The following PDGFC variants were observed in gnomAD, a reference collection of about 807,000 sequenced individuals.
PDGFC encodes platelet derived growth factor C.
In PDGFC, 12 loss-of-function variants were observed where a neutral mutation model predicts 35.5. The observed-to-expected ratio is 0.34, with a 90% confidence interval of 0.22 to 0.55. The LOEUF is 0.55. PDGFC is among the 20% of genes least tolerant of loss of function. The probability of loss-of-function intolerance (pLI) is 0.91; values close to 1 mark genes in which losing one functional copy is unlikely to be tolerated. For missense variants in PDGFC, 322 were observed against 412.4 expected (o/e 0.78, Z 1.90); for synonymous variants, 159 against 148.8 (o/e 1.07, Z -0.50).
intron 1 of PDGFC, among the ~76,000 whole-genome samples, chr4:156,915,591 G>A (rs1731139680): frequency 6.6e-6 from 1 of 152,124 alleles, no homozygotes; most frequent in Admixed American, 6.5e-5. Context: ...TCAGTAGCTT[G>A]AGACCAGCCT....
chr4:156,848,126 C>T (rs1729369455), intron 2 of PDGFC, among the ~76,000 whole-genome samples: 1 of 150,452 alleles, frequency 6.6e-6, no homozygotes, highest in Non-Finnish European at 1.5e-5. Context: ...CATAAGCAGG[C>T]ATGATAAAAA....
At chr4:156,928,219 T>C (rs1216458963) in intron 1 of PDGFC, among the ~76,000 whole-genome samples, 2 of 152,042 alleles carry the variant, frequency 1.3e-5, no homozygotes, top group East Asian at 1.9e-4. Flanking sequence ...AGCTAAACCA[T>C]GTCAGTAGGT....
At chr4:156,812,767 A>G (rs1731973759) in intron 2 of PDGFC, among the ~76,000 whole-genome samples, 1 of 152,118 alleles carries the variant, frequency 6.6e-6, no homozygotes, top group South Asian at 2.1e-4. Context: ...AGACATTTGA[A>G]GAAAGGAAAA....
intron 1 of PDGFC, among the ~76,000 whole-genome samples, chr4:156,925,208 T>G (rs1233065345): frequency 1.3e-5 from 2 of 152,142 alleles, no homozygotes; most frequent in South Asian, 2.1e-4. Context: ...TATAATCTTG[T>G]CAGTAAAGCA....
At chr4:156,933,425 T>C (rs1731599894) in intron 1 of PDGFC, among the ~76,000 whole-genome samples, 1 of 152,240 alleles carries the variant, frequency 6.6e-6, no homozygotes. Flanking sequence ...AAGATGATGC[T>C]GTTCACAGCT....
chr4:156,779,664 G>A (rs1237160339), intron 3 of PDGFC, among the ~76,000 whole-genome samples: 1 of 152,144 alleles, frequency 6.6e-6, no homozygotes, highest in Non-Finnish European at 1.5e-5. Context: ...TTTGCCCAAA[G>A]TGTTGTCTTA....
At chr4:156,970,347 T>G (rs1460524978) in intron 1 of PDGFC, among the ~76,000 whole-genome samples, 1 of 152,180 alleles carries the variant, frequency 6.6e-6, no homozygotes, top group Non-Finnish European at 1.5e-5. Context: ...ATTGATGACT[T>G]CGACCTAGAG....
At chr4:156,901,347 C>T (rs1730777903) in intron 1 of PDGFC, among the ~76,000 whole-genome samples, 1 of 152,068 alleles carries the variant, frequency 6.6e-6, no homozygotes, top group South Asian at 2.1e-4. Flanking sequence ...TGGCTTTTAA[C>T]GAAGCTCCCT....
chr4:156,933,925 T>C (rs946941588), intron 1 of PDGFC, among the ~76,000 whole-genome samples: 1 of 152,226 alleles, frequency 6.6e-6, no homozygotes, highest in African/African-American at 2.4e-5. Context: ...CATGTGGAAC[T>C]GTGAGTCAAT....
chr4:156,887,084 G>T (rs537438272), intron 1 of PDGFC, among the ~76,000 whole-genome samples: 1 of 151,890 alleles, frequency 6.6e-6, no homozygotes, highest in African/African-American at 2.4e-5. Context: ...TATTAACAAA[G>T]TTATTTCTAA....
chr4:156,889,697 C>A (rs1730457836), intron 1 of PDGFC, among the ~76,000 whole-genome samples: 1 of 152,194 alleles, frequency 6.6e-6, no homozygotes, highest in African/African-American at 2.4e-5. Flanking sequence ...ACAGCAAACT[C>A]CAAAACTAAA....
chr4:156,866,330 CCA>C (rs916067125), intron 1 of PDGFC, among the ~76,000 whole-genome samples: 43 of 152,052 alleles, frequency 2.8e-4, no homozygotes, highest in African/African-American at 1.0e-3. Context: ...TGTGTATGTG[CCA>C]CATTTTTTTT....
At chr4:156,833,741 A>G (rs1474745404) in intron 2 of PDGFC, among the ~76,000 whole-genome samples, 1 of 152,198 alleles carries the variant, frequency 6.6e-6, no homozygotes. Flanking sequence ...TATCTCTACA[A>G]TTTACTTGCT....
chr4:156,940,037 CAAT>C (rs1200302090), intron 1 of PDGFC, among the ~76,000 whole-genome samples: 5 of 152,018 alleles, frequency 3.3e-5, no homozygotes, highest in African/African-American at 1.2e-4. Context: ...AAGCAATCAA[CAAT>C]AATTCAAGTA....
chr4:156,900,167 A>T (rs1485218952), intron 1 of PDGFC, among the ~76,000 whole-genome samples: 1 of 152,146 alleles, frequency 6.6e-6, no homozygotes, highest in Admixed American at 6.5e-5. Flanking sequence ...GATCAACTAA[A>T]TATCTAATTT....
At chr4:156,862,530 T>C (rs1729737298) in intron 1 of PDGFC, among the ~76,000 whole-genome samples, 1 of 152,168 alleles carries the variant, frequency 6.6e-6, no homozygotes, top group South Asian at 2.1e-4. Flanking sequence ...AGTCAAAGTT[T>C]TAATATTGCT....
intron 1 of PDGFC, among the ~76,000 whole-genome samples, chr4:156,968,345 A>G (rs1362610421): frequency 6.6e-6 from 1 of 152,152 alleles, no homozygotes; most frequent in African/African-American, 2.4e-5. Context: ...GCAATGCACA[A>G]ACTGGGCCAA....
At chr4:156,800,454 TATC>T (rs1253006596) in intron 3 of PDGFC, among the ~76,000 whole-genome samples, 1 of 152,206 alleles carries the variant, frequency 6.6e-6, no homozygotes, top group Non-Finnish European at 1.5e-5. Context: ...AATACAATTA[TATC>T]ATCTGAATTA....
rs531964943 is a variant in PDGFC, at chr4:156,855,672, A to G, written c.119-5256T>C. On this transcript the variant is annotated intron_variant, in intron 1 of 5. Transcript: ENST00000502773. The stretch of plus-strand genomic sequence containing the variant: ...CTATAAATTGATAATACACACATTC[A>G]CCCATTTAATTTGTGCTTTGCTATG... Among the ~76,000 whole-genome samples, 16 of 152,272 alleles carry G rather than the reference A, an allele frequency of 1.1e-4. No homozygotes were observed. In the South Asian group the frequency reaches 3.3e-3, roughly 32 times the overall value.
Sources: allele counts gnomAD v4.1 joint callset (sites outside exome capture counted in the v4.1 genomes callset), GRCh38; gene constraint gnomAD v4.1.1; transcripts MANE v1.5; gene names NCBI Gene and HGNC (gene_info 2026-07-23, HGNC 2026-07-21).